TJP3: variants seen among roughly 807,000 people sequenced by gnomAD.
TJP3 encodes tight junction protein ZO-3.
In TJP3, 85 loss-of-function variants were observed where a neutral mutation model predicts 104.2. The ratio of observed to expected loss-of-function variants is 0.82; its 90% CI spans 0.68 to 0.98. The LOEUF (loss-of-function observed/expected upper bound fraction) is 0.98, where lower values mean the gene tolerates loss of function less well. Among genes scored for constraint, TJP3 ranks in the 50% least tolerant of loss-of-function variants. TJP3 has a pLI of 0.00. For synonymous variants in TJP3, 550 were observed against 550.6 expected (o/e 1.00, Z 0.02); for missense variants, 1,367 against 1,322.8 (o/e 1.03, Z -0.52).
intron 20 of TJP3, 126 bp from the exon 21 acceptor site, chr19:3,750,456 C>A: frequency 1.2e-6 from 1 of 839,908 alleles, no homozygotes; most frequent in South Asian, 1.7e-5. Flanking sequence ...AGGCCCTACC[C>A]ATGAATGCCC....
intron 1 of TJP3, among the ~76,000 whole-genome samples, chr19:3,722,718 A>G (rs1205040032): frequency 6.6e-6 from 1 of 151,998 alleles, no homozygotes; most frequent in African/African-American, 2.4e-5. Flanking sequence ...ACTCCGCCCC[A>G]AGCTTCAGGA....
chr19:3,722,004 A>G, intron 1 of TJP3: 1 of 657,480 alleles, frequency 1.5e-6, no homozygotes, highest in Non-Finnish European at 2.2e-6. Flanking sequence ...AGGACCCCAG[A>G]ACGCCTACCT....
chr19:3,716,054 C>G (rs1257049662), intron 1 of TJP3, among the ~76,000 whole-genome samples: 2 of 150,844 alleles, frequency 1.3e-5, no homozygotes, highest in African/African-American at 4.9e-5. Flanking sequence ...GCTGGGATTA[C>G]AGGCGTGAGC....
intron 1 of TJP3, among the ~76,000 whole-genome samples, chr19:3,719,316 T>G (rs2145669156): frequency 6.6e-6 from 1 of 152,176 alleles, no homozygotes; most frequent in East Asian, 1.9e-4. Flanking sequence ...AGCCTTAGTT[T>G]TGGTTAATGG....
chr19:3,714,099 G>A (rs1207167657), intron 1 of TJP3, among the ~76,000 whole-genome samples: 1 of 151,796 alleles, frequency 6.6e-6, no homozygotes, highest in African/African-American at 2.4e-5. Flanking sequence ...CAGGCTGGCT[G>A]GAGTGCAGTG....
intron 1 of TJP3, among the ~76,000 whole-genome samples, chr19:3,723,616 C>A (rs934849562): frequency 2.6e-5 from 4 of 151,096 alleles, no homozygotes; most frequent in Non-Finnish European, 5.9e-5. Flanking sequence ...ACATGGTGAA[C>A]CCCCACCTCT....
Position 3,730,042 on chromosome 19 carries a change from T to C in TJP3, c.173T>C (p.Ile58Thr), listed in dbSNP as rs1280963872. ...TCCTCTCTCAGGACAGGCGACCACATCGTCATGGTGAACGGGGTTTCCATG... is the reference window on the plus strand; with the variant it reads ...TCCTCTCTCAGGACAGGCGACCACACCGTCATGGTGAACGGGGTTTCCATG... ...AEGRLQTGDH[I>T]VMVNGVSMEN... Residue 58 changes from isoleucine (I) to threonine (T), a missense_variant, in exon 4 of 21, where the codon ATC (isoleucine) becomes ACC (threonine). By Grantham distance (89) the Ile-to-Thr change is moderately conservative. Transcript: ENST00000541714. The surrounding 1 kb of genome is among the most constrained non-coding windows in gnomAD (Gnocchi z 7.3). 3 of 1,613,812 alleles carry C rather than the reference T, an allele frequency of 1.9e-6. No homozygotes were observed. Among genetic ancestry groups the C allele is most frequent in the Non-Finnish European group, 2.5e-6 (3 of 1,179,920 alleles).
chr19:3,745,133 C>CTTTTTTTTTTTTTTTTTTTTTTTTTTT (rs549831017), intron 15 of TJP3, among the ~76,000 whole-genome samples: 2 of 70,046 alleles, frequency 2.9e-5, no homozygotes, highest in East Asian at 4.4e-4. Flanking sequence ...AATTTTATGT[C>CTTTTTTTTTTTTTTTTTTTTTTTTTTT]TTTTTTTTTT....
intron 19 of TJP3, among the ~76,000 whole-genome samples, chr19:3,748,629 C>T (rs1434752430): frequency 2.2e-5 from 3 of 138,622 alleles, no homozygotes; most frequent in Admixed American, 7.8e-5. Flanking sequence ...AGTGCGATGG[C>T]GTGATCTCGG....
chr19:3,731,597 C>T (rs570558335), intron 5 of TJP3, among the ~76,000 whole-genome samples: 1 of 152,100 alleles, frequency 6.6e-6, no homozygotes, highest in Non-Finnish European at 1.5e-5. Context: ...TTTGCCACTG[C>T]ACTCCAGCCC....
At position 3,728,586 on chromosome 19, in the gene TJP3, C is replaced by A. The variant is rs780922008; in HGVS notation, c.49-18C>A. 6.2e-7 allele frequency: 1 copy of A among 1,608,922 alleles called. No homozygotes were observed. The highest frequency in any genetic ancestry group is 8.5e-7 in the Non-Finnish European group (1 of 1,178,230). ...CTGGGGGAAACAGCAGCTCTTCCTT[C>A]CCCTCATCCTCTCTCAGGACCCCCG... On this transcript the variant is annotated intron_variant, in intron 2 of 20. Transcript: ENST00000541714.
Position 3,746,763 on chromosome 19 carries a change from C to A in TJP3, c.2222-13C>A, listed in dbSNP as rs769274653. The A allele has an allele frequency of 1.1e-5, 18 of 1,604,174 alleles. 1 individual carries two copies. In the South Asian group the frequency reaches 1.8e-4, roughly 16 times the overall value. On this transcript the variant is annotated splice_polypyrimidine_tract_variant and intron_variant, in intron 17 of 20. Transcript: ENST00000541714. This position sits in a 1 kb window ranked among gnomAD's most constrained non-coding sequence, Gnocchi z 4.1. Reference sequence around the variant, plus strand: ...CTGAGTCTCCTGCACACACTGACGTCCCCTCCCTGCAGCCACCATCCCTCT... The same window carrying A: ...CTGAGTCTCCTGCACACACTGACGTACCCTCCCTGCAGCCACCATCCCTCT...
chr19:3,747,947 G>A lies in TJP3; in HGVS notation c.2476G>A (p.Glu826Lys), dbSNP rs756026835. ...GGATGGCGAGGGCTACACAGACGGC[G>A]AGGGGGGGCCCTACACGGATGTGGA... Reference protein sequence around the residue: ...YTDGEGYTDGEGGPYTDVDDE... With the variant: ...YTDGEGYTDGKGGPYTDVDDE... Residue 826 changes from glutamate to lysine, a missense_variant, in exon 19 of 21, where the codon GAG becomes AAG. By Grantham distance (56) the Glu-to-Lys change is moderately conservative. Coordinates refer to ENST00000541714, the MANE Select transcript of TJP3 (RefSeq NM_001267560.2). 5.6e-6 allele frequency: 9 copies of A among 1,612,996 alleles called. No individual in the cohort carries two copies. The highest frequency in any genetic ancestry group is 5.3e-5 in the African/African-American group (4 of 74,932).
At chr19:3,740,896 T>C (rs1004868026) in intron 14 of TJP3, 133 bp downstream of exon 14, 3 of 813,272 alleles carry the variant, frequency 3.7e-6, no homozygotes, top group Middle Eastern at 4.2e-4. Context: ...ATCCCAACAC[T>C]TTGGGAGGCC....
At chr19:3,718,679 G>A (rs868667159) in intron 1 of TJP3, among the ~76,000 whole-genome samples, 9 of 151,494 alleles carry the variant, frequency 5.9e-5, no homozygotes, top group Admixed American at 2.0e-4. Context: ...ATGTTGGCCA[G>A]GCTGGTCTCG....
At chr19:3,716,849 G>A (rs2036482870) in intron 1 of TJP3, among the ~76,000 whole-genome samples, 1 of 136,862 alleles carries the variant, frequency 7.3e-6, no homozygotes, top group African/African-American at 2.6e-5. Flanking sequence ...GCCCAGGTTG[G>A]AGACAGTGGC....
chr19:3,735,762 G>T, intron 9 of TJP3, 107 bp from the exon 10 acceptor site: 1 of 1,583,074 alleles, frequency 6.3e-7, no homozygotes, highest in Non-Finnish European at 8.7e-7. Flanking sequence ...TTCCTGAGAA[G>T]GACTCGAGGT....
intron 1 of TJP3, among the ~76,000 whole-genome samples, chr19:3,718,527 G>A (rs1490035036): frequency 6.6e-6 from 1 of 151,174 alleles, no homozygotes; most frequent in Non-Finnish European, 1.5e-5. Flanking sequence ...GGAGTGCAGT[G>A]GCGCAATCTT....
intron 1 of TJP3, among the ~76,000 whole-genome samples, chr19:3,722,941 G>A (rs1339425009): frequency 7.8e-6 from 1 of 128,020 alleles, no homozygotes. Flanking sequence ...TCCCCTCTGG[G>A]CGGGCCTCTT....
Sources: allele counts gnomAD v4.1 joint callset (sites outside exome capture counted in the v4.1 genomes callset), GRCh38; gene constraint gnomAD v4.1.1; non-coding constraint Gnocchi (gnomAD v3.1); transcripts MANE v1.5; gene names NCBI Gene and HGNC (gene_info 2026-07-23, HGNC 2026-07-21).